The following MGAT3 variants were observed in gnomAD, a reference collection of about 807,000 sequenced individuals.
MGAT3 encodes the protein GlcNAc-T III.
A neutral mutation model predicts 29.8 loss-of-function variants in MGAT3; 9 were observed. The observed-to-expected ratio is 0.30, with a 90% CI of 0.18 to 0.53. The LOEUF (loss-of-function observed/expected upper bound fraction) is 0.53, where lower values mean the gene tolerates loss of function less well. Among genes scored for constraint, MGAT3 ranks in the 20% least tolerant of loss-of-function variants. MGAT3 has a pLI of 0.96. For missense variants in MGAT3, 557 were observed against 769.5 expected (o/e 0.72, Z 3.27); for synonymous variants, 397 against 348.9 (o/e 1.14, Z -1.54).
At chr22:39,464,534 G>C (rs553851924) in intron 1 of MGAT3, among the ~76,000 whole-genome samples, 92 of 152,114 alleles carry the variant, frequency 6.0e-4, no homozygotes, top group African/African-American at 2.2e-3. Flanking sequence ...CTGCCTCCTG[G>C]GTTCAAACGA....
chr22:39,478,434 C>G (rs187276402), intron 1 of MGAT3, among the ~76,000 whole-genome samples: 60 of 152,348 alleles, frequency 3.9e-4, no homozygotes, highest in Non-Finnish European at 7.2e-4. Context: ...CGCCAGACAT[C>G]AGGTGTTGAG....
Position 39,488,268 on chromosome 22 carries a change from G to T in MGAT3, c.921G>T (p.Leu307=), listed in dbSNP as rs767962026. 1 of 1,611,306 alleles carries T rather than the reference G, an allele frequency of 6.2e-7. No homozygotes were observed. The highest frequency in any genetic ancestry group is 1.3e-5 in the African/African-American group (1 of 74,942). Residue 307 remains leucine (L), a synonymous_variant, in exon 2 of 2, where the codon CTG becomes CTT. Transcript: ENST00000341184. ...TQDGVSRLRN[L]RPDDVFIIDD... is the part of the protein sequence containing the mutation. Reference sequence around the variant, plus strand: ...ACGGCGTCTCGCGGCTGCGCAACCTGCGGCCCGACGACGTCTTCATCATTG... The same window carrying T: ...ACGGCGTCTCGCGGCTGCGCAACCTTCGGCCCGACGACGTCTTCATCATTG...
At chr22:39,464,542 C>T (rs1401220887) in intron 1 of MGAT3, among the ~76,000 whole-genome samples, 3 of 151,756 alleles carry the variant, frequency 2.0e-5, no homozygotes, top group Non-Finnish European at 4.4e-5. Context: ...TGGGTTCAAA[C>T]GATTCTCCTG....
chr22:39,480,327 C>A (rs915638685), intron 1 of MGAT3, among the ~76,000 whole-genome samples: 3 of 152,178 alleles, frequency 2.0e-5, no homozygotes, highest in Non-Finnish European at 4.4e-5. Flanking sequence ...CTGCCTGGGT[C>A]ACAGAGGGCG....
At position 39,469,663 on chromosome 22, in the gene MGAT3, A is replaced by G. The variant is rs558802799; in HGVS notation, c.-2+12106A>G. On this transcript the variant is annotated intron_variant, in intron 1 of 1. Transcript: ENST00000341184. ...CACAATGCCTGGGACAAAGTCCCCA[A>G]TGCTAGAGAAGACCCCAAAGGATGG... Among the ~76,000 whole-genome samples, 72 of 152,326 alleles carry G rather than the reference A, an allele frequency of 4.7e-4. 2 individuals carry two copies. The South Asian group carries it at 0.014, about 30-fold the overall frequency.
chr22:39,472,048 A>G (rs1023881456), intron 1 of MGAT3, among the ~76,000 whole-genome samples: 1 of 152,104 alleles, frequency 6.6e-6, no homozygotes, highest in Non-Finnish European at 1.5e-5. Context: ...CTCTGGGCTC[A>G]GCCTCCTTCC....
intron 1 of MGAT3, among the ~76,000 whole-genome samples, chr22:39,461,057 G>T (rs1225769553): frequency 1.3e-5 from 2 of 152,132 alleles, no homozygotes; most frequent in African/African-American, 4.8e-5. Context: ...GCAATAGTAG[G>T]CTGGCAACTG....
At chr22:39,486,064 G>C (rs773182105) in intron 1 of MGAT3, 1 of 352,772 alleles carries the variant, frequency 2.8e-6, no homozygotes. Context: ...GTTAGACTTA[G>C]TGTCCAATAT....
chr22:39,459,080 T>TC (rs1222345280), intron 1 of MGAT3, among the ~76,000 whole-genome samples: 6,157 of 49,760 alleles, frequency 0.12, 429 homozygotes, highest in African/African-American at 0.34. Context: ...TTCTTTTTTT[T>TC]TTTTTTTTTT....
At chr22:39,467,809 CAAA>C (rs34945926) in intron 1 of MGAT3, among the ~76,000 whole-genome samples, 1 of 61,114 alleles carries the variant, frequency 1.6e-5, no homozygotes, top group Non-Finnish European at 3.2e-5. Flanking sequence ...GGCTCAGTCT[CAAA>C]AAAAAAAAAA....
In MGAT3 at chr22:39,487,470, C is replaced by T. The variant is rs145462426; in HGVS notation, c.123C>T (p.Leu41=). 1.1e-4 allele frequency: 172 copies of T among 1,613,800 alleles called. No individual in the cohort carries two copies. The African/African-American group carries it at 2.0e-3, about 18-fold the overall frequency. ...YVTFPRELAS[L]SPNLVSSFFW... Reference sequence around the variant, plus strand: ...CCTTCCCCCGAGAACTGGCCTCCCTCAGCCCTAACCTGGTGTCCAGCTTTT... The same window carrying T: ...CCTTCCCCCGAGAACTGGCCTCCCTTAGCCCTAACCTGGTGTCCAGCTTTT... Residue 41 remains leucine, a synonymous_variant, in exon 2 of 2, where the codon CTC becomes CTT. Coordinates refer to ENST00000341184, the MANE Select transcript of MGAT3 (RefSeq NM_002409.5). The surrounding 1 kb of genome is among the most constrained non-coding windows in gnomAD (Gnocchi z 5.7).
intron 1 of MGAT3, among the ~76,000 whole-genome samples, chr22:39,468,596 C>G (rs1168870091): frequency 6.6e-6 from 1 of 152,238 alleles, no homozygotes; most frequent in Non-Finnish European, 1.5e-5. Context: ...GTTGGCAAAG[C>G]AGGCAGGACT....
At chr22:39,471,082 C>A (rs1033653127) in intron 1 of MGAT3, among the ~76,000 whole-genome samples, 1 of 152,022 alleles carries the variant, frequency 6.6e-6, no homozygotes, top group Non-Finnish European at 1.5e-5. Context: ...ACGATGGCCA[C>A]CCCCACTCAG....
intron 1 of MGAT3, among the ~76,000 whole-genome samples, chr22:39,459,570 C>A (rs738286): frequency 0.72 from 109,949 of 152,130 alleles, 40,132 homozygotes; most frequent in East Asian, 0.95. Context: ...CTCAAGGGAT[C>A]CTTCTGCCCC....
At position 39,489,446 on chromosome 22, in the gene MGAT3, T is replaced by G; in HGVS notation, c.*497T>G. The stretch of plus-strand genomic sequence containing the variant: ...GGGTCCAGGAGGAAGCGTGGACACC[T>G]CGTAGGGAAGAGATGAAAAAGCCAC... On this transcript the variant is annotated 3_prime_UTR_variant, in exon 2 of 2. Coordinates refer to ENST00000341184, the MANE Select transcript of MGAT3 (RefSeq NM_002409.5). The G allele has an allele frequency of 5.6e-6, 1 of 178,938 alleles. No individual in the cohort carries two copies. The highest frequency in any genetic ancestry group is 1.8e-4 in the East Asian group (1 of 5,572). 11.1% of individuals were successfully genotyped at this position (178,938 alleles called of 1,614,324 possible). A position where few individuals can be genotyped will look rare whatever the true frequency, so the allele number is the denominator to read the frequency against.
chr22:39,484,599 C>A (rs1020722961), intron 1 of MGAT3, among the ~76,000 whole-genome samples: 6 of 152,042 alleles, frequency 3.9e-5, no homozygotes, highest in Non-Finnish European at 7.4e-5. Flanking sequence ...TCTCAAACTC[C>A]TGACCTCTGG....
chr22:39,470,622 G>T (rs1276592032), intron 1 of MGAT3, among the ~76,000 whole-genome samples: 1 of 152,194 alleles, frequency 6.6e-6, no homozygotes, highest in Non-Finnish European at 1.5e-5. Flanking sequence ...CCTCGGGGTG[G>T]CAGAGGAGGC....
At position 39,488,814 on chromosome 22, in the gene MGAT3, G is replaced by T; in HGVS notation, c.1467G>T (p.Lys489Asn). Residue 489 changes from lysine (K) to asparagine (N), a missense_variant, in exon 2 of 2, where the codon AAG becomes AAT. Physicochemically the swap from Lys to Asn is moderately conservative, Grantham distance 94 (BLOSUM62 0). Around this residue, in one of 3 missense-constraint regions of MGAT3, gnomAD observed 102 missense variants for 97.0 expected, o/e 1.05. Transcript: ENST00000341184. Reference sequence around the variant, plus strand: ...TGTATGCGCCCAAGTACCTGCTGAAGAACTACGACCGGTTCCACTACCTGC... The same window carrying T: ...TGTATGCGCCCAAGTACCTGCTGAATAACTACGACCGGTTCCACTACCTGC... ...EHMYAPKYLLKNYDRFHYLLD... is the reference protein window; with the variant it reads ...EHMYAPKYLLNNYDRFHYLLD... The T allele has an allele frequency of 6.2e-7, 1 of 1,610,848 alleles. No homozygotes were observed. Among genetic ancestry groups the T allele is most frequent in the Non-Finnish European group, 8.5e-7 (1 of 1,178,566 alleles).
chr22:39,466,468 G>A (rs567187169), intron 1 of MGAT3, among the ~76,000 whole-genome samples: 1 of 152,328 alleles, frequency 6.6e-6, no homozygotes, highest in East Asian at 1.9e-4. Flanking sequence ...TCCGGGGCTG[G>A]TCCAGCCTCT....
Sources: allele counts gnomAD v4.1 joint callset (sites outside exome capture counted in the v4.1 genomes callset), GRCh38; gene constraint gnomAD v4.1.1; regional missense constraint gnomAD v4.1.1; non-coding constraint Gnocchi (gnomAD v3.1); transcripts MANE v1.5; gene names NCBI Gene and HGNC (gene_info 2026-07-23, HGNC 2026-07-21).